The following SLC24A2 variants were observed in gnomAD, a reference collection of about 807,000 sequenced individuals.
The protein encoded by SLC24A2 is solute carrier family 24 member 2.
SLC24A2 carries 36 observed loss-of-function variants against 62.0 expected under a neutral mutation model. The ratio of observed to expected loss-of-function variants is 0.58; its 90% CI spans 0.44 to 0.77. The LOEUF (loss-of-function observed/expected upper bound fraction) is 0.77. Ranked by LOEUF, SLC24A2 falls within the 30% of genes least tolerant of loss-of-function variation. The probability of loss-of-function intolerance (pLI) is 0.00; values close to 1 mark genes in which losing one functional copy is unlikely to be tolerated. For synonymous variants in SLC24A2, 358 were observed against 294.0 expected (o/e 1.22, Z -2.23); for missense variants, 846 against 817.9 (o/e 1.03, Z -0.42).
At chr9:19,922,342 G>GT in the SLC24A2 span, among the ~76,000 whole-genome samples, 1,601 of 152,270 alleles carry the variant, frequency 0.011, 20 homozygotes, top group African/African-American at 0.037. Flanking sequence ...TTCCTATGAT[G>GT]TTTTTTAAAA....
At chr9:20,250,224 T>C in the SLC24A2 span, among the ~76,000 whole-genome samples, 2 of 152,198 alleles carry the variant, frequency 1.3e-5, no homozygotes, top group East Asian at 1.9e-4. Flanking sequence ...GAATAATAAA[T>C]CATCCTGCTC....
chr9:19,880,389 G>C, the SLC24A2 span, among the ~76,000 whole-genome samples: 1 of 152,164 alleles, frequency 6.6e-6, no homozygotes, highest in African/African-American at 2.4e-5. Context: ...GTGGATGAAG[G>C]GATTTAACCT....
the SLC24A2 span, among the ~76,000 whole-genome samples, chr9:19,887,867 T>C: frequency 1.3e-5 from 2 of 152,186 alleles, no homozygotes; most frequent in Non-Finnish European, 2.9e-5. Flanking sequence ...ACAACCTAGA[T>C]GGAACTGGAG....
At chr9:20,104,512 G>C in the SLC24A2 span, among the ~76,000 whole-genome samples, 19 of 152,216 alleles carry the variant, frequency 1.2e-4, no homozygotes, top group East Asian at 1.9e-4. Flanking sequence ...CAGCAGAAAC[G>C]CTACAAGCCA....
chr9:19,567,939 C>T (rs538808283), intron 7 of SLC24A2, among the ~76,000 whole-genome samples: 1 of 152,076 alleles, frequency 6.6e-6, no homozygotes, highest in South Asian at 2.1e-4. Flanking sequence ...ATGGCAGAAA[C>T]CTCTCGGAGA....
the SLC24A2 span, among the ~76,000 whole-genome samples, chr9:20,229,478 C>G: frequency 1.7e-4 from 26 of 152,116 alleles, no homozygotes; most frequent in Non-Finnish European, 5.9e-5. Context: ...ATTAGAGACT[C>G]TTGAGTAAAA....
At chr9:19,704,370 C>T (rs1360059043) in intron 2 of SLC24A2, among the ~76,000 whole-genome samples, 2 of 150,488 alleles carry the variant, frequency 1.3e-5, no homozygotes, top group African/African-American at 2.5e-5. Flanking sequence ...TACATTCACA[C>T]ATAAGAGAAG....
the SLC24A2 span, among the ~76,000 whole-genome samples, chr9:20,234,730 A>G: frequency 6.6e-6 from 1 of 152,208 alleles, no homozygotes; most frequent in African/African-American, 2.4e-5. Flanking sequence ...TCAACTCGTC[A>G]AAGTCATTCT....
At chr9:19,944,602 G>A in the SLC24A2 span, among the ~76,000 whole-genome samples, 4 of 152,134 alleles carry the variant, frequency 2.6e-5, no homozygotes, top group Admixed American at 6.5e-5. Context: ...ATTTCAAGAC[G>A]TAAACGCCAT....
intron 8 of SLC24A2, among the ~76,000 whole-genome samples, chr9:19,536,139 G>A (rs1326462895): frequency 7.7e-6 from 1 of 130,476 alleles, no homozygotes; most frequent in African/African-American, 2.8e-5. Flanking sequence ...TTGGCTCTCT[G>A]TTTGTCTTTT....
At chr9:19,998,387 C>G in the SLC24A2 span, among the ~76,000 whole-genome samples, 2 of 152,194 alleles carry the variant, frequency 1.3e-5, no homozygotes, top group Admixed American at 1.3e-4. Flanking sequence ...TGATTCACTT[C>G]CGGGTCACCT....
chr9:19,875,407 T>C, the SLC24A2 span, among the ~76,000 whole-genome samples: 1 of 152,210 alleles, frequency 6.6e-6, no homozygotes, highest in African/African-American at 2.4e-5. Context: ...TTCAAGATGG[T>C]TGGCAGAGTC....
chr9:19,693,391 A>G (rs1356509409), intron 2 of SLC24A2, among the ~76,000 whole-genome samples: 2 of 152,110 alleles, frequency 1.3e-5, no homozygotes, highest in Non-Finnish European at 2.9e-5. Context: ...GGTCCATGGT[A>G]GGTGCACCAT....
At chr9:19,863,195 A>G in the SLC24A2 span, among the ~76,000 whole-genome samples, 1 of 152,072 alleles carries the variant, frequency 6.6e-6, no homozygotes, top group Non-Finnish European at 1.5e-5. Flanking sequence ...ATATTTAACA[A>G]TTTTAAATAT....
chr9:19,751,359 C>T (rs1182672), intron 2 of SLC24A2, among the ~76,000 whole-genome samples: 48,582 of 151,936 alleles, frequency 0.32, 8,109 homozygotes, highest in African/African-American at 0.42. Flanking sequence ...GTTAGTAAAC[C>T]GGTGGTTTCC....
At chr9:19,544,989 G>C (rs928232728) in intron 8 of SLC24A2, among the ~76,000 whole-genome samples, 3 of 152,148 alleles carry the variant, frequency 2.0e-5, no homozygotes, top group Non-Finnish European at 4.4e-5. Context: ...CTAGGTTGGG[G>C]AACTTCTCCT....
At chr9:20,268,119 G>T in the SLC24A2 span, among the ~76,000 whole-genome samples, 28 of 152,170 alleles carry the variant, frequency 1.8e-4, no homozygotes, top group African/African-American at 6.5e-4. Context: ...AGCCACATTG[G>T]CTTGAGAAGA....
At chr9:20,104,141 T>C in the SLC24A2 span, among the ~76,000 whole-genome samples, 1 of 151,762 alleles carries the variant, frequency 6.6e-6, no homozygotes, top group African/African-American at 2.4e-5. Context: ...AGAAGGGAAG[T>C]TTAGAGAAAA....
chr9:20,062,315 C>A, the SLC24A2 span, among the ~76,000 whole-genome samples: 2 of 151,298 alleles, frequency 1.3e-5, no homozygotes, highest in Non-Finnish European at 2.9e-5. Context: ...TGGAACAGAA[C>A]AGAGCCCTCA....
Sources: allele counts gnomAD v4.1 joint callset (sites outside exome capture counted in the v4.1 genomes callset), GRCh38; gene constraint gnomAD v4.1.1; transcripts MANE v1.5; gene names NCBI Gene and HGNC (gene_info 2026-07-23, HGNC 2026-07-21).